The following GFPT2 variants were observed in gnomAD, a reference collection of about 807,000 sequenced individuals.
GFPT2 encodes glutamine--fructose-6-phosphate transaminase 2.
GFPT2 carries 62 observed loss-of-function variants against 85.6 expected under a neutral mutation model. That is an observed-to-expected ratio of 0.72 (90% CI 0.59 to 0.90). The LOEUF (loss-of-function observed/expected upper bound fraction) is 0.90, where lower values mean the gene tolerates loss of function less well. Ranked by LOEUF, GFPT2 falls within the 40% of genes least tolerant of loss-of-function variation. GFPT2 has a pLI of 0.00. For missense variants in GFPT2, 788 were observed against 893.4 expected, an observed-to-expected ratio of 0.88 and a Z score of 1.50; for synonymous variants, 368 against 344.5, an observed-to-expected ratio of 1.07 and a Z score of -0.75.
At chr5:180,315,137 T>C (rs1298774005) in intron 13 of GFPT2, among the ~76,000 whole-genome samples, 1 of 152,180 alleles carries the variant, frequency 6.6e-6, no homozygotes, top group Non-Finnish European at 1.5e-5. Flanking sequence ...ACAATCAGTA[T>C]TTTAGTTGTG....
intron 1 of GFPT2, among the ~76,000 whole-genome samples, chr5:180,351,174 G>A (rs973389284): frequency 2.6e-5 from 4 of 152,202 alleles, no homozygotes; most frequent in Non-Finnish European, 2.9e-5. Flanking sequence ...AGTATCACTT[G>A]TCATACATAC....
chr5:180,350,054 C>T (rs1034588902), intron 1 of GFPT2, among the ~76,000 whole-genome samples: 7 of 152,134 alleles, frequency 4.6e-5, no homozygotes, highest in Non-Finnish European at 8.8e-5. Context: ...CTGCCACCCC[C>T]TCCTCTCTGC....
intron 9 of GFPT2, among the ~76,000 whole-genome samples, chr5:180,322,737 A>T (rs12519247): frequency 0.4 from 58,418 of 147,796 alleles, 11,848 homozygotes; most frequent in African/African-American, 0.54. Context: ...CCTTTTTTTT[A>T]AAAAAAAAGA....
At chr5:180,347,152 G>C (rs957927796) in intron 1 of GFPT2, among the ~76,000 whole-genome samples, 4 of 152,278 alleles carry the variant, frequency 2.6e-5, no homozygotes, top group African/African-American at 9.6e-5. Flanking sequence ...TTGGGATTGA[G>C]AGGCCAGGAG....
At chr5:180,307,359 A>T in intron 15 of GFPT2, 56 bp from the exon 16 acceptor site, 3 of 1,579,266 alleles carry the variant, frequency 1.9e-6, no homozygotes, top group Middle Eastern at 1.7e-4. Context: ...TTAAAGCAAT[A>T]TTCATGAAGA....
chr5:180,352,875 G>A, intron 1 of GFPT2: 2 of 435,810 alleles, frequency 4.6e-6, no homozygotes. Flanking sequence ...GACCTCGGTC[G>A]GCATGGGGTG....
Position 180,345,851 on chromosome 5 carries a change from A to C in GFPT2, c.8-7251T>G, listed in dbSNP as rs908382274. On this transcript the variant is annotated intron_variant, in intron 1 of 18. Coordinates refer to ENST00000253778, the MANE Select transcript of GFPT2 (RefSeq NM_005110.4). Reference sequence around the variant, plus strand: ...GCTCCGCTCACTGGGACCCACAGCAAGGACAAGAGGGACACAGAGGCAGGA... The same window carrying C: ...GCTCCGCTCACTGGGACCCACAGCACGGACAAGAGGGACACAGAGGCAGGA... Among the ~76,000 whole-genome samples, 5 of 152,328 alleles carry C rather than the reference A, an allele frequency of 3.3e-5. No homozygotes were observed. In the East Asian group the frequency reaches 5.8e-4, roughly 18 times the overall value.
At chr5:180,338,623 T>G in intron 1 of GFPT2, 23 bp from the exon 2 acceptor site, 1 of 1,395,580 alleles carries the variant, frequency 7.2e-7, no homozygotes, top group Non-Finnish European at 1.0e-6. Context: ...AAAAAAATGG[T>G]GCATTCATAA....
At chr5:180,322,913 G>A (rs566885722) in intron 9 of GFPT2, among the ~76,000 whole-genome samples, 1 of 151,976 alleles carries the variant, frequency 6.6e-6, no homozygotes, top group African/African-American at 2.4e-5. Flanking sequence ...GCGGGCACCT[G>A]TAGTCCCAGC....
At chr5:180,344,059 A>G (rs1467653987) in intron 1 of GFPT2, among the ~76,000 whole-genome samples, 5 of 152,258 alleles carry the variant, frequency 3.3e-5, no homozygotes, top group Non-Finnish European at 5.9e-5. Flanking sequence ...AGCGACAGGC[A>G]AGGGACAGGC....
Position 180,318,556 on chromosome 5 carries a change from T to A in GFPT2, c.958+237A>T, listed in dbSNP as rs754820955. 7 of 528,238 alleles carry A rather than the reference T, an allele frequency of 1.3e-5. No homozygotes were observed. Among genetic ancestry groups the A allele is most frequent in the Non-Finnish European group, 2.4e-5 (7 of 292,560 alleles). 32.7% of individuals were successfully genotyped at this position (528,238 alleles called of 1,614,324 possible). ...AAGGCAGCTGACACACTGGGCTCAG[T>A]TCCAGTAGGAAAGACCTGGCGGCTG... On this transcript the variant is annotated intron_variant, in intron 10 of 18. Coordinates refer to ENST00000253778, the MANE Select transcript of GFPT2 (RefSeq NM_005110.4). The surrounding 1 kb of genome is among the most constrained non-coding windows in gnomAD (Gnocchi z 4.2).
chr5:180,353,058 G>A (rs1049543091), intron 1 of GFPT2, among the ~76,000 whole-genome samples, 153 bp downstream of exon 1: 1 of 152,084 alleles, frequency 6.6e-6, no homozygotes, highest in Non-Finnish European at 1.5e-5. Flanking sequence ...AGCCAGGCCC[G>A]GCCGACGACA....
At chr5:180,302,373 C>T in intron 18 of GFPT2, 50 bp downstream of exon 18, 1 of 1,420,676 alleles carries the variant, frequency 7.0e-7, no homozygotes, top group Non-Finnish European at 9.8e-7. Flanking sequence ...GAAAGGAACT[C>T]TGGGGTTATG....
rs760691741 is a variant in GFPT2 at position 180,307,144 on chromosome 5, CGTGGGGGTGGGGG to C, written c.1674+19_1674+31del. 46 of 1,132,326 alleles carry C rather than the reference CGTGGGGGTGGGGG, an allele frequency of 4.1e-5. No homozygotes were observed. In the African/African-American group the frequency reaches 4.2e-4, roughly 10 times the overall value. The allele number at this position is 1,132,326 out of a possible 1,614,324, so 70.1% of individuals were successfully genotyped here. A position where few individuals can be genotyped will look rare whatever the true frequency, so the allele number is the denominator to read the frequency against. The stretch of plus-strand genomic sequence containing the variant: ...CTCAGGGTCTCCTGTGCCTGTCCTC[CGTGGGGGTGGGGG>C]CTGGGGGTGGGGGCTCACCAGGGCT... On this transcript the variant is annotated intron_variant, in intron 16 of 18. Coordinates refer to ENST00000253778, the MANE Select transcript of GFPT2 (RefSeq NM_005110.4).
chr5:180,320,279 A>C (rs1374918137), intron 9 of GFPT2, among the ~76,000 whole-genome samples: 1 of 152,128 alleles, frequency 6.6e-6, no homozygotes, highest in Non-Finnish European at 1.5e-5. Flanking sequence ...GGTGTGAGCC[A>C]CCGTGCCCAG....
At position 180,331,505 on chromosome 5, in the gene GFPT2, C is replaced by T; in HGVS notation, c.389G>A (p.Arg130Lys). 6.3e-7 allele frequency: 1 copy of T among 1,587,070 alleles called. No individual in the cohort carries two copies. Among genetic ancestry groups the T allele is most frequent in the Non-Finnish European group, 8.7e-7 (1 of 1,155,384 alleles). Reference sequence around the variant, plus strand: ...GGGGAAGCATCTTACCAGAAATTTCCTCAGATCTTTGTAATTTGTGATGAT... The same window carrying T: ...GGGGAAGCATCTTACCAGAAATTTCTTCAGATCTTTGTAATTTGTGATGAT... Reference protein sequence around the residue: ...NGIITNYKDLRKFLESKGYEF... With the variant: ...NGIITNYKDLKKFLESKGYEF... Residue 130 changes from arginine to lysine, a missense_variant, in exon 5 of 19, where the codon AGG becomes AAG. Transcript: ENST00000253778.
At chr5:180,336,051 A>AC in intron 3 of GFPT2, 98 bp from the exon 4 acceptor site, 1 of 1,207,560 alleles carries the variant, frequency 8.3e-7, no homozygotes, top group Non-Finnish European at 1.1e-6. Context: ...CACGTCACCC[A>AC]CACCGATGGC....
At chr5:180,336,431 G>A (rs377765870) in intron 3 of GFPT2, 48 bp downstream of exon 3, 1 of 994,798 alleles carries the variant, frequency 1.0e-6, no homozygotes, top group Non-Finnish European at 1.6e-6. Context: ...GTCCTAGAAA[G>A]CGGCCGGCGC....
intron 13 of GFPT2, among the ~76,000 whole-genome samples, chr5:180,314,981 C>T (rs3828687): frequency 0.2 from 30,550 of 152,060 alleles, 3,499 homozygotes; most frequent in East Asian, 0.31. Context: ...AAGGTGAACA[C>T]GGCAGCAGCT....
Sources: allele counts gnomAD v4.1 joint callset (sites outside exome capture counted in the v4.1 genomes callset), GRCh38; gene constraint gnomAD v4.1.1; non-coding constraint Gnocchi (gnomAD v3.1); transcripts MANE v1.5; gene names NCBI Gene and HGNC (gene_info 2026-07-23, HGNC 2026-07-21).